Variants in EXOC4 observed in about 807,000 individuals in gnomAD.
EXOC4 encodes SEC8-like 1.
In EXOC4, 71 loss-of-function variants were observed where a neutral mutation model predicts 107.2. That is an observed-to-expected ratio of 0.66 (90% CI 0.55 to 0.81). EXOC4 has a LOEUF of 0.81. Among genes scored for constraint, EXOC4 ranks in the 30% least tolerant of loss-of-function variants. The pLI, the probability that EXOC4 is intolerant of heterozygous loss-of-function variation, is 0.00. For synonymous variants in EXOC4, 456 were observed against 441.2 expected, an observed-to-expected ratio of 1.03 and a Z score of -0.42; for missense variants, 1,108 against 1,189.6, an observed-to-expected ratio of 0.93 and a Z score of 1.01.
chr7:133,807,113 G>A (rs1797096146), intron 10 of EXOC4, among the ~76,000 whole-genome samples: 1 of 152,166 alleles, frequency 6.6e-6, no homozygotes, highest in African/African-American at 2.4e-5. Flanking sequence ...GGTTCTGCAG[G>A]GCTGACTGCC....
intron 11 of EXOC4, among the ~76,000 whole-genome samples, chr7:133,894,483 C>T (rs919731594): frequency 3.2e-5 from 4 of 126,208 alleles, no homozygotes; most frequent in Admixed American, 3.0e-4. Flanking sequence ...GAACTGCGTT[C>T]CTTTGGAGGA....
At chr7:133,286,066 T>TA (rs1794269909) in intron 2 of EXOC4, among the ~76,000 whole-genome samples, 2 of 152,156 alleles carry the variant, frequency 1.3e-5, no homozygotes, top group African/African-American at 4.8e-5. Context: ...GGCAGTTTTT[T>TA]AAAAAAATTA....
At chr7:133,981,506 A>G in intron 14 of EXOC4, among the ~76,000 whole-genome samples, 1 of 152,178 alleles carries the variant, frequency 6.6e-6, no homozygotes, top group Non-Finnish European at 1.5e-5. Context: ...AAAAGCTAAA[A>G]GTCAGTGATC....
the EXOC4 span, among the ~76,000 whole-genome samples, chr7:134,090,433 C>T: frequency 2.0e-5 from 3 of 152,198 alleles, no homozygotes; most frequent in South Asian, 6.2e-4. Context: ...CAGAACAATA[C>T]AGAAAAATGC....
chr7:133,767,694 A>C (rs1021770774), intron 10 of EXOC4, among the ~76,000 whole-genome samples: 1 of 151,996 alleles, frequency 6.6e-6, no homozygotes, highest in Non-Finnish European at 1.5e-5. Context: ...CTGTCCATGA[A>C]ATACAAGGTC....
intron 10 of EXOC4, among the ~76,000 whole-genome samples, chr7:133,800,368 C>T (rs200987075): frequency 2.6e-5 from 4 of 152,010 alleles, no homozygotes; most frequent in East Asian, 3.8e-4. Flanking sequence ...TTTATGATAT[C>T]GTCTTCTTCT....
At chr7:133,480,587 A>T in intron 9 of EXOC4, 3 of 302,796 alleles carry the variant, frequency 9.9e-6, no homozygotes, top group East Asian at 1.1e-4. Context: ...GTATGTTATA[A>T]TCAATATAAC....
chr7:133,635,156 C>G (rs955305081), intron 10 of EXOC4, among the ~76,000 whole-genome samples: 1 of 152,100 alleles, frequency 6.6e-6, no homozygotes, highest in Admixed American at 6.5e-5. Context: ...ATAATTACAT[C>G]ATGGTAGTTA....
chr7:133,432,776 A>G (rs184860288), intron 7 of EXOC4, among the ~76,000 whole-genome samples: 6 of 152,314 alleles, frequency 3.9e-5, no homozygotes, highest in Non-Finnish European at 5.9e-5. Flanking sequence ...CCTTGGTATG[A>G]TCTTTCCTGC....
chr7:133,404,780 C>T (rs949627751), intron 7 of EXOC4, among the ~76,000 whole-genome samples: 2 of 151,690 alleles, frequency 1.3e-5, no homozygotes, highest in Non-Finnish European at 2.9e-5. Context: ...AATCCCAGCA[C>T]TTTGGGAGGC....
intron 12 of EXOC4, among the ~76,000 whole-genome samples, chr7:133,903,392 CT>C (rs1308784999): frequency 6.6e-6 from 1 of 152,192 alleles, no homozygotes; most frequent in Non-Finnish European, 1.5e-5. Context: ...GAAATGAAGA[CT>C]CTTTGCACTG....
At chr7:133,470,156 A>T (rs927779178) in intron 7 of EXOC4, among the ~76,000 whole-genome samples, 23 of 152,198 alleles carry the variant, frequency 1.5e-4, no homozygotes, top group African/African-American at 5.5e-4. Flanking sequence ...CTGAGTGTTT[A>T]ATTGAGTAGC....
At chr7:134,058,326 G>A (rs915721248) in intron 17 of EXOC4, among the ~76,000 whole-genome samples, 2 of 152,068 alleles carry the variant, frequency 1.3e-5, no homozygotes, top group Non-Finnish European at 2.9e-5. Context: ...GCTTTATCTT[G>A]GGAAGGACTA....
At chr7:133,992,748 T>G (rs77716348) in intron 14 of EXOC4, among the ~76,000 whole-genome samples, 2,651 of 148,990 alleles carry the variant, frequency 0.018, 43 homozygotes, top group Non-Finnish European at 0.025. Flanking sequence ...CGTTTCTTTC[T>G]TTATCTTACC....
rs115641137 is a variant in EXOC4 at position 133,439,572 on chromosome 7, C to A, written c.1183-35756C>A. 5.0e-3 allele frequency among the ~76,000 whole-genome samples: 756 copies of A among 152,172 alleles called. 6 individuals carry two copies. Among genetic ancestry groups the A allele is most frequent in the African/African-American group, 0.017 (705 of 41,498 alleles). ...ATGTGAAATAATATGTATCATATAT[C>A]CATGAAGTATAGTGTACGTATTTAT... is the stretch of plus-strand genomic sequence containing the variant. On this transcript the variant is annotated intron_variant, in intron 7 of 17. Coordinates refer to ENST00000253861, the MANE Select transcript of EXOC4 (RefSeq NM_021807.4).
At chr7:134,010,417 GC>G (rs1218122761) in intron 17 of EXOC4, 1 of 152,104 alleles carries the variant, frequency 6.6e-6, no homozygotes, top group East Asian at 1.9e-4. Flanking sequence ...CCATATTGTA[GC>G]CCTACTACTC....
intron 17 of EXOC4, among the ~76,000 whole-genome samples, chr7:134,035,924 T>C (rs1795377348): frequency 6.6e-6 from 1 of 152,206 alleles, no homozygotes; most frequent in Non-Finnish European, 1.5e-5. Flanking sequence ...CCATGTCCTG[T>C]TGGCCAGAAC....
chr7:133,823,581 G>A (rs1021520159), intron 11 of EXOC4, among the ~76,000 whole-genome samples: 18 of 151,422 alleles, frequency 1.2e-4, no homozygotes, highest in South Asian at 4.2e-4. Flanking sequence ...TTGGGAGGCC[G>A]AGGCGGATGG....
At position 133,896,844 on chromosome 7, in the gene EXOC4, T is replaced by TTTTTTTTTTTTTTTTTTGAGACGG. The variant is rs1198817578; in HGVS notation, c.1871+1109_1871+1110insTTTTTTTTTTTTTTTTTGAGACGG. On this transcript the variant is annotated intron_variant, in intron 12 of 17. Transcript: ENST00000253861. ...CCATGTCTGGCTATTTTTGTATTTTTAGTAGAGATGGGGTTTCACCATGTT... is the reference window on the plus strand; with the variant it reads ...CCATGTCTGGCTATTTTTGTATTTTTTTTTTTTTTTTTTTTTTGAGACGGAGTAGAGATGGGGTTTCACCATGTT... Among the ~76,000 whole-genome samples, 5 of 87,814 alleles carry TTTTTTTTTTTTTTTTTTGAGACGG rather than the reference T, an allele frequency of 5.7e-5. No homozygotes were observed. The African/African-American group carries it at 5.8e-4, about 10-fold the overall frequency. The allele number at this position is 87,814 out of a possible 152,430, so 57.6% of individuals were successfully genotyped here.
Sources: allele counts gnomAD v4.1 joint callset (sites outside exome capture counted in the v4.1 genomes callset), GRCh38; gene constraint gnomAD v4.1.1; transcripts MANE v1.5; gene names NCBI Gene and HGNC (gene_info 2026-07-23, HGNC 2026-07-21).